Variants in NLRP3 observed in about 807,000 individuals in gnomAD.
NLRP3 encodes NLR family pyrin domain containing 3.
A neutral mutation model predicts 91.3 loss-of-function variants in NLRP3; 48 were observed. The observed-to-expected ratio is 0.53, with a 90% CI of 0.42 to 0.67. The LOEUF (loss-of-function observed/expected upper bound fraction) is 0.67. Among genes scored for constraint, NLRP3 ranks in the 30% least tolerant of loss-of-function variants. The pLI is 0.00. For synonymous variants in NLRP3, 561 were observed against 507.9 expected, an observed-to-expected ratio of 1.10 and a Z score of -1.41; for missense variants, 982 against 1,276.9, an observed-to-expected ratio of 0.77 and a Z score of 3.52.
chr1:247,446,339 G>A (rs1427991050), intron 9 of NLRP3, among the ~76,000 whole-genome samples: 4 of 152,184 alleles, frequency 2.6e-5, no homozygotes, highest in East Asian at 1.9e-4. Flanking sequence ...CAGCTAAAAC[G>A]TAACTCGCAT....
At chr1:247,427,839 G>A (rs61841182) in intron 4 of NLRP3, among the ~76,000 whole-genome samples, 4,223 of 11,688 alleles carry the variant, frequency 0.36, 1,012 homozygotes, top group Admixed American at 0.59. Context: ...TCTGATTGGA[G>A]CCCTGGCAGG....
At chr1:247,419,140 A>G in intron 2 of NLRP3, 63 bp downstream of exon 2, 3 of 1,244,984 alleles carry the variant, frequency 2.4e-6, no homozygotes, top group Non-Finnish European at 3.3e-6. Flanking sequence ...ACAATTTTCC[A>G]TCTTTATATA....
In NLRP3 at chr1:247,424,124, G is replaced by A. The variant is rs938034710; in HGVS notation, c.675G>A (p.Ala225=). 9.3e-6 allele frequency: 15 copies of A among 1,613,956 alleles called. No individual in the cohort carries two copies. Among genetic ancestry groups the A allele is most frequent in the East Asian group, 8.9e-5 (4 of 44,884 alleles). The change falls in exon 4 of 10, where the codon GCG becomes GCA. Residue 225 remains alanine, a synonymous_variant. Coordinates refer to ENST00000336119, the MANE Select transcript of NLRP3 (RefSeq NM_001243133.2). The surrounding 1 kb of genome is among the most constrained non-coding windows in gnomAD (Gnocchi z 8.1). ...EPVHTVVFQG[A]AGIGKTILAR... ...TGCACACCGTGGTGTTCCAGGGGGC[G>A]GCAGGGATTGGGAAAACAATCCTGG... is the stretch of plus-strand genomic sequence containing the variant.
rs1288576686 is a variant in NLRP3, at chr1:247,433,719, CTGGT to C, written c.2322-383_2322-380del. ...GATGCTTTCTCTATTCCGGAGCTCT[CTGGT>C]CAGGTGTGTCCTGATGCTTTCTCTA... On this transcript the variant is annotated intron_variant, in intron 5 of 9. Transcript: ENST00000336119. Among the ~76,000 whole-genome samples the C allele has an allele frequency of 3.6e-3, 525 of 146,422 alleles. 4 individuals carry two copies. Among genetic ancestry groups the C allele is most frequent in the African/African-American group, 0.013 (506 of 40,068 alleles).
Position 247,437,790 on chromosome 1 carries a change from G to C in NLRP3, c.2663+1650G>C, listed in dbSNP as rs564489635. 1.4e-4 allele frequency among the ~76,000 whole-genome samples: 21 copies of C among 152,366 alleles called. 1 individual carries two copies. The highest frequency in any genetic ancestry group is 3.4e-3 in the Middle Eastern group (1 of 294). On this transcript the variant is annotated intron_variant, in intron 7 of 9. Coordinates refer to ENST00000336119, the MANE Select transcript of NLRP3 (RefSeq NM_001243133.2). ...AGAAAAACTGGAGTGACGGCGAGGGGTGCTTCTCTGCTCACGTTTGGCGAG... is the reference window on the plus strand; with the variant it reads ...AGAAAAACTGGAGTGACGGCGAGGGCTGCTTCTCTGCTCACGTTTGGCGAG...
chr1:247,426,247 C>G (rs1337861277), intron 4 of NLRP3, among the ~76,000 whole-genome samples: 2 of 152,156 alleles, frequency 1.3e-5, no homozygotes, highest in African/African-American at 2.4e-5. Flanking sequence ...TGTGGAGACC[C>G]TCTTTCTAGG....
chr1:247,447,499 G>C (rs919027855), intron 9 of NLRP3, among the ~76,000 whole-genome samples: 1 of 152,198 alleles, frequency 6.6e-6, no homozygotes, highest in African/African-American at 2.4e-5. Context: ...ACCAAATTGA[G>C]ATGGTTATAA....
chr1:247,439,482 C>T (rs1336308405), intron 7 of NLRP3, among the ~76,000 whole-genome samples: 1 of 152,284 alleles, frequency 6.6e-6, no homozygotes, highest in African/African-American at 2.4e-5. Flanking sequence ...TTTATCTCTA[C>T]GTGGTGTCTT....
rs375807640 is a variant in NLRP3 at position 247,448,079 on chromosome 1, C to T, written c.3006-326C>T. Among the ~76,000 whole-genome samples, 4 of 151,416 alleles carry T rather than the reference C, an allele frequency of 2.6e-5. No individual in the cohort carries two copies. In the East Asian group the frequency reaches 5.9e-4, roughly 22 times the overall value. On this transcript the variant is annotated intron_variant, in intron 9 of 9. Coordinates refer to ENST00000336119, the MANE Select transcript of NLRP3 (RefSeq NM_001243133.2). ...GGGGCCTCCTCTGTCATTGGAGGTG[C>T]TCACAGTTTCTTCAGCCACTCCAGG...
chr1:247,434,232 T>C lies in NLRP3; in HGVS notation c.2451T>C (p.Cys817=), dbSNP rs1663617740. 1.9e-6 allele frequency: 3 copies of C among 1,614,216 alleles called. No individual in the cohort carries two copies. The African/African-American group carries it at 4.0e-5, about 22-fold the overall frequency. The change falls in exon 6 of 10, where the codon TGT becomes TGC. Residue 817 remains cysteine (C), a synonymous_variant. Transcript: ENST00000336119. ...GTGACTTCGGAATCAGACTTCTGTG[T>C]GTGGGACTGAAGCACCTGTTGTGCA... ...ALGDFGIRLL[C]VGLKHLLCNL...
chr1:247,441,069 A>G (rs1664176883), intron 7 of NLRP3, among the ~76,000 whole-genome samples: 1 of 147,804 alleles, frequency 6.8e-6, no homozygotes, highest in East Asian at 2.0e-4. Context: ...TCTTCTTCAG[A>G]TTCCTTCCTT....
Position 247,424,831 on chromosome 1 carries a change from G to A in NLRP3, c.1382G>A (p.Cys461Tyr), listed in dbSNP as rs764806756. The change falls in exon 4 of 10, where the codon TGC becomes TAC. Residue 461 changes from cysteine to tyrosine, a missense_variant. Physicochemically the swap from Cys to Tyr is radical, Grantham distance 194 (BLOSUM62 -2). Transcript: ENST00000336119. The surrounding 1 kb of genome is among the most constrained non-coding windows in gnomAD (Gnocchi z 8.1). ...GGAGGGAGCCAGGAGCACGGCCTCTGCGCCCACCTCTGGGGGCTCTGCTCT... is the reference window on the plus strand; with the variant it reads ...GGAGGGAGCCAGGAGCACGGCCTCTACGCCCACCTCTGGGGGCTCTGCTCT... ...PRGGSQEHGL[C>Y]AHLWGLCSLA... The A allele has an allele frequency of 3.1e-6, 5 of 1,607,930 alleles. No homozygotes were observed. Among genetic ancestry groups the A allele is most frequent in the African/African-American group, 1.3e-5 (1 of 74,934 alleles).
chr1:247,425,372 G>A lies in NLRP3; in HGVS notation c.1923G>A (p.Val641=). Residue 641 remains valine (V), a synonymous_variant, in exon 4 of 10, where the codon GTG becomes GTA. Coordinates refer to ENST00000336119, the MANE Select transcript of NLRP3 (RefSeq NM_001243133.2). This position sits in a 1 kb window ranked among gnomAD's most constrained non-coding sequence, Gnocchi z 4.1. The part of the protein sequence containing the change: ...CLYEMQEEDF[V]QRAMDYFPKI... ...ACGAGATGCAGGAGGAGGACTTCGT[G>A]CAAAGGGCCATGGACTATTTCCCCA... 1 of 1,614,184 alleles carries A rather than the reference G, an allele frequency of 6.2e-7. No individual in the cohort carries two copies. The highest frequency in any genetic ancestry group is 8.5e-7 in the Non-Finnish European group (1 of 1,180,024).
chr1:247,445,516 A>G lies in NLRP3; in HGVS notation c.3005+695A>G, dbSNP rs183845123. On this transcript the variant is annotated intron_variant, in intron 9 of 9. Coordinates refer to ENST00000336119, the MANE Select transcript of NLRP3 (RefSeq NM_001243133.2). ...TGCCTGGCGGTTTCTGAGGATTTCT[A>G]AATGGGAAAAGAGTGCTCCAGGAAT... 9.8e-4 allele frequency among the ~76,000 whole-genome samples: 149 copies of G among 152,246 alleles called. 1 individual carries two copies. The highest frequency in any genetic ancestry group is 1.2e-3 in the Non-Finnish European group (84 of 68,012).
chr1:247,425,086 G>A lies in NLRP3; in HGVS notation c.1637G>A (p.Gly546Glu). 1 of 1,614,146 alleles carries A rather than the reference G, an allele frequency of 6.2e-7. No homozygotes were observed. The highest frequency in any genetic ancestry group is 1.3e-5 in the African/African-American group (1 of 75,040). The change falls in exon 4 of 10, where the codon GGG (glycine) becomes GAG (glutamate). Residue 546 changes from glycine (G) to glutamate (E), a missense_variant. Physicochemically the swap from Gly to Glu is moderately conservative, Grantham distance 98. Transcript: ENST00000336119. This position sits in a 1 kb window ranked among gnomAD's most constrained non-coding sequence, Gnocchi z 4.1. Reference sequence around the variant, plus strand: ...AAGGAAGGAAGGACGAACGTTCCAGGGAGTCGTTTGAAGCTTCCCAGCCGA... The same window carrying A: ...AAGGAAGGAAGGACGAACGTTCCAGAGAGTCGTTTGAAGCTTCCCAGCCGA... The part of the protein sequence containing the change: ...EEKEGRTNVP[G>E]SRLKLPSRDV...
At chr1:247,426,995 C>T (rs1359053840) in intron 4 of NLRP3, among the ~76,000 whole-genome samples, 3 of 152,148 alleles carry the variant, frequency 2.0e-5, no homozygotes, top group Non-Finnish European at 2.9e-5. Flanking sequence ...CTTCATTCAT[C>T]AGGTTGCCAT....
At chr1:247,426,374 C>T (rs189059581) in intron 4 of NLRP3, among the ~76,000 whole-genome samples, 155 of 152,272 alleles carry the variant, frequency 1.0e-3, no homozygotes, top group African/African-American at 3.5e-3. Context: ...GTTGAGTCAC[C>T]TGACTTCTGA....
chr1:247,444,570 G>C, intron 8 of NLRP3, 81 bp from the exon 9 acceptor site: 1 of 1,466,158 alleles, frequency 6.8e-7, no homozygotes, highest in Non-Finnish European at 9.5e-7. Context: ...CCTGAAACAA[G>C]ACAGGCTAAG....
intron 7 of NLRP3, among the ~76,000 whole-genome samples, chr1:247,443,388 G>T (rs982038203): frequency 6.6e-6 from 1 of 152,136 alleles, no homozygotes; most frequent in African/African-American, 2.4e-5. Flanking sequence ...ATGTGAAAGG[G>T]GCATTTGGGG....
Sources: allele counts gnomAD v4.1 joint callset (sites outside exome capture counted in the v4.1 genomes callset), GRCh38; gene constraint gnomAD v4.1.1; non-coding constraint Gnocchi (gnomAD v3.1); transcripts MANE v1.5; gene names NCBI Gene and HGNC (gene_info 2026-07-23, HGNC 2026-07-21).